Variants in CCBE1 observed in about 807,000 individuals in gnomAD.
CCBE1 encodes the protein collagen and calcium-binding EGF domain-containing protein 1.
A neutral mutation model predicts 50.0 loss-of-function variants in CCBE1; 37 were observed. The ratio of observed to expected loss-of-function variants is 0.74; its 90% CI spans 0.57 to 0.97. The LOEUF (loss-of-function observed/expected upper bound fraction) is 0.97. CCBE1 is among the 50% of genes least tolerant of loss of function. The pLI is 0.00. For missense variants in CCBE1, 538 were observed against 523.8 expected (o/e 1.03, Z -0.26); for synonymous variants, 234 against 203.7 (o/e 1.15, Z -1.27).
chr18:59,684,948 C>T (rs2144737555), intron 2 of CCBE1, among the ~76,000 whole-genome samples: 1 of 152,102 alleles, frequency 6.6e-6, no homozygotes, highest in East Asian at 1.9e-4. Flanking sequence ...TAAAGGCGTA[C>T]AGATGGGATG....
At position 59,466,791 on chromosome 18, in the gene CCBE1, C is replaced by T. The variant is rs748435900; in HGVS notation, c.501G>A (p.Arg167=). 6.1e-5 allele frequency: 99 copies of T among 1,613,634 alleles called. No homozygotes were observed. Among genetic ancestry groups the T allele is most frequent in the Non-Finnish European group, 8.1e-5 (96 of 1,179,928 alleles). The change falls in exon 5 of 11, where the codon CGG becomes CGA. Residue 167 remains arginine (R), a synonymous_variant. Coordinates refer to ENST00000439986, the MANE Select transcript of CCBE1 (RefSeq NM_133459.4). The stretch of plus-strand genomic sequence containing the variant: ...TGGTACATGTCTTCCCATCATCTTC[C>T]CGGATGTAGCCTTCCCGGCACTCGC... ...YRCECREGYI[R]EDDGKTCTRG... is the part of the protein sequence containing the mutation.
intron 2 of CCBE1, among the ~76,000 whole-genome samples, chr18:59,494,636 C>T (rs994576870): frequency 1.1e-4 from 16 of 151,800 alleles, no homozygotes; most frequent in Admixed American, 9.8e-4. Context: ...TGTAGAGCTG[C>T]CTGGGGGATG....
At chr18:59,541,471 G>A (rs1020911705) in intron 2 of CCBE1, among the ~76,000 whole-genome samples, 2 of 152,178 alleles carry the variant, frequency 1.3e-5, no homozygotes, top group African/African-American at 4.8e-5. Flanking sequence ...ACTAAGGACA[G>A]GCACTTCAAA....
rs146742350 is a variant in CCBE1 at position 59,439,321 on chromosome 18, C to T, written c.951+222G>A. On this transcript the variant is annotated intron_variant, in intron 9 of 10. Transcript: ENST00000439986. ...AAAAAAGAAAAATCCAAAAATTAGC[C>T]GGGAGTGGTGGTGCACACCTGTGGT... Among the ~76,000 whole-genome samples, 503 of 151,676 alleles carry T rather than the reference C, an allele frequency of 3.3e-3. 1 individual carries two copies. The highest frequency in any genetic ancestry group is 0.011 in the African/African-American group (471 of 41,326).
intron 2 of CCBE1, among the ~76,000 whole-genome samples, chr18:59,638,764 C>A (rs1337198500): frequency 1.3e-5 from 2 of 152,074 alleles, no homozygotes; most frequent in Non-Finnish European, 2.9e-5. Context: ...CTTCAAGAAA[C>A]AACAAATACA....
chr18:59,482,845 T>C (rs1912637452), intron 2 of CCBE1, among the ~76,000 whole-genome samples: 2 of 125,970 alleles, frequency 1.6e-5, no homozygotes, highest in Non-Finnish European at 3.7e-5. Flanking sequence ...ATCTCAAGAA[T>C]ATACCCCAAG....
At chr18:59,465,294 G>A (rs1232683419) in intron 5 of CCBE1, 1 of 152,368 alleles carries the variant, frequency 6.6e-6, no homozygotes, top group Non-Finnish European at 1.5e-5. Context: ...GCATTGCCTG[G>A]AGCATTGATA....
chr18:59,684,674 T>C (rs1005519169), intron 2 of CCBE1, among the ~76,000 whole-genome samples: 2 of 152,196 alleles, frequency 1.3e-5, no homozygotes, highest in Non-Finnish European at 2.9e-5. Flanking sequence ...ATTTCTATGA[T>C]TTAGTCAGCA....
chr18:59,469,762 T>C (rs1416254041), intron 3 of CCBE1, among the ~76,000 whole-genome samples, 155 bp from the exon 4 acceptor site: 1 of 152,208 alleles, frequency 6.6e-6, no homozygotes, highest in Admixed American at 6.5e-5. Context: ...TTTAGGGCTG[T>C]GGGTCACCTT....
chr18:59,568,701 C>A (rs1286465830), intron 2 of CCBE1: 1 of 152,206 alleles, frequency 6.6e-6, no homozygotes, highest in Non-Finnish European at 1.5e-5. Flanking sequence ...ATCAGATGGG[C>A]ATGTGTTTCC....
At position 59,492,144 on chromosome 18, in the gene CCBE1, CAAAAAAA is replaced by C. The variant is rs869190811; in HGVS notation, c.213-11913_213-11907del. Among the ~76,000 whole-genome samples, 10 of 78,400 alleles carry C rather than the reference CAAAAAAA, an allele frequency of 1.3e-4. No individual in the cohort carries two copies. In the East Asian group the frequency reaches 1.4e-3, roughly 11 times the overall value. The allele number at this position is 78,400 out of a possible 152,430, so 51.4% of individuals were successfully genotyped here. ...TGGGCAACAGAGTGAGACTTTGTCT[CAAAAAAA>C]AAAAAAAAAAAAAAAAAGAAAAGCA... On this transcript the variant is annotated intron_variant, in intron 2 of 10. Transcript: ENST00000439986.
At chr18:59,609,114 C>T (rs2053539759) in intron 2 of CCBE1, among the ~76,000 whole-genome samples, 3 of 152,276 alleles carry the variant, frequency 2.0e-5, no homozygotes, top group Admixed American at 1.3e-4. Flanking sequence ...TTTCTCCTTC[C>T]GTGTTTTGGC....
intron 2 of CCBE1, among the ~76,000 whole-genome samples, chr18:59,577,752 T>C (rs1396078549): frequency 1.3e-5 from 2 of 152,212 alleles, no homozygotes; most frequent in African/African-American, 4.8e-5. Context: ...ATCAATAACA[T>C]GGATTGACCA....
chr18:59,691,076 A>C (rs759287418), intron 2 of CCBE1, among the ~76,000 whole-genome samples: 1 of 152,250 alleles, frequency 6.6e-6, no homozygotes, highest in Non-Finnish European at 1.5e-5. Flanking sequence ...TCAGATTTTA[A>C]ATAAAGCACA....
chr18:59,480,151 A>G, intron 3 of CCBE1, 35 bp downstream of exon 3: 2 of 1,319,970 alleles, frequency 1.5e-6, no homozygotes, highest in Admixed American at 1.7e-5. Context: ...TTAGTTGTGA[A>G]TAAAGTCAGA....
At chr18:59,508,337 C>T (rs1449155051) in intron 2 of CCBE1, among the ~76,000 whole-genome samples, 3 of 151,960 alleles carry the variant, frequency 2.0e-5, no homozygotes, top group Admixed American at 2.0e-4. Flanking sequence ...GTGGCTCACG[C>T]CTGTAATCCC....
intron 2 of CCBE1, among the ~76,000 whole-genome samples, chr18:59,537,014 G>A (rs549743037): frequency 2.3e-4 from 34 of 150,392 alleles, no homozygotes; most frequent in Non-Finnish European, 3.8e-4. Flanking sequence ...AAAAATGGAT[G>A]TTTTTCATGT....
intron 2 of CCBE1, among the ~76,000 whole-genome samples, chr18:59,689,398 C>A (rs2054700391): frequency 6.6e-6 from 1 of 152,202 alleles, no homozygotes. Context: ...CTAGTTCTAC[C>A]ACAACCAATA....
chr18:59,577,560 A>T (rs1293232550), intron 2 of CCBE1, among the ~76,000 whole-genome samples: 2 of 152,230 alleles, frequency 1.3e-5, no homozygotes, highest in Non-Finnish European at 2.9e-5. Context: ...GGTGTTAATA[A>T]GAATTTGTGG....
Sources: allele counts gnomAD v4.1 joint callset (sites outside exome capture counted in the v4.1 genomes callset), GRCh38; gene constraint gnomAD v4.1.1; transcripts MANE v1.5; gene names NCBI Gene and HGNC (gene_info 2026-07-23, HGNC 2026-07-21).